ACAD10: variants seen among roughly 807,000 people sequenced by gnomAD.
ACAD10 encodes the protein ACAD-10.
A neutral mutation model predicts 116.8 loss-of-function variants in ACAD10; 112 were observed. The observed-to-expected ratio is 0.96, with a 90% CI of 0.82 to 1.12. ACAD10 has a LOEUF of 1.12. Among genes scored for constraint, ACAD10 ranks in the 50% most tolerant of loss-of-function variants. ACAD10 has a pLI of 0.00. For synonymous variants in ACAD10, 486 were observed against 510.6 expected, an observed-to-expected ratio of 0.95 and a Z score of 0.65; for missense variants, 1,259 against 1,350.2, an observed-to-expected ratio of 0.93 and a Z score of 1.06.
At chr12:111,703,078 T>C (rs1163736740) in intron 3 of ACAD10, among the ~76,000 whole-genome samples, 3 of 145,468 alleles carry the variant, frequency 2.1e-5, no homozygotes, top group Non-Finnish European at 4.5e-5. Flanking sequence ...AACAAGACTC[T>C]GTCTCAAAAA....
intron 7 of ACAD10, among the ~76,000 whole-genome samples, chr12:111,721,449 T>G (rs1387589081): frequency 6.6e-6 from 1 of 152,090 alleles, no homozygotes; most frequent in African/African-American, 2.4e-5. Context: ...ACATCTGTAA[T>G]CCCAGCTACT....
intron 18 of ACAD10, among the ~76,000 whole-genome samples, chr12:111,751,458 C>CG (rs1292851107): frequency 6.6e-6 from 1 of 152,120 alleles, no homozygotes; most frequent in Non-Finnish European, 1.5e-5. Context: ...AGGCTGGGCG[C>CG]GGTGGCTAAC....
chr12:111,744,074 A>T (rs1347360934), intron 12 of ACAD10, among the ~76,000 whole-genome samples: 1 of 152,006 alleles, frequency 6.6e-6, no homozygotes, highest in African/African-American at 2.4e-5. Flanking sequence ...ATGGGGAAAA[A>T]TATGTTTGTA....
At chr12:111,689,597 G>A (rs546187632) in intron 1 of ACAD10, among the ~76,000 whole-genome samples, 3 of 151,814 alleles carry the variant, frequency 2.0e-5, no homozygotes, top group South Asian at 4.2e-4. Context: ...GGTTGGTCTC[G>A]AACTCTCGAC....
intron 7 of ACAD10, among the ~76,000 whole-genome samples, chr12:111,720,685 C>G (rs143267053): frequency 1.3e-5 from 2 of 152,120 alleles, no homozygotes; most frequent in African/African-American, 4.8e-5. Context: ...TTTATATATT[C>G]AGCGCATATC....
chr12:111,688,811 C>A (rs608814), intron 1 of ACAD10, among the ~76,000 whole-genome samples: 51,140 of 148,884 alleles, frequency 0.34, 12,488 homozygotes, highest in East Asian at 0.9. Context: ...CAAAACAAAA[C>A]AAAAAAAAGA....
At chr12:111,692,952 AG>A in intron 2 of ACAD10, 56 bp downstream of exon 2, 1 of 1,581,200 alleles carries the variant, frequency 6.3e-7, no homozygotes, top group Non-Finnish European at 8.6e-7. Context: ...GGGAGAATGG[AG>A]GGTGATCGGG....
intron 7 of ACAD10, among the ~76,000 whole-genome samples, chr12:111,716,607 C>T (rs549902373): frequency 2.0e-5 from 3 of 152,310 alleles, no homozygotes; most frequent in South Asian, 4.1e-4. Context: ...ATAGTCCCAG[C>T]ACTTTGGGAG....
chr12:111,693,017 C>T (rs990756257), intron 2 of ACAD10, 121 bp downstream of exon 2: 3 of 1,159,722 alleles, frequency 2.6e-6, no homozygotes, highest in African/African-American at 3.1e-5. Context: ...CATGCTCTGG[C>T]TCTCGAGTCG....
chr12:111,703,480 G>C (rs1301355027), intron 3 of ACAD10, among the ~76,000 whole-genome samples: 3 of 152,168 alleles, frequency 2.0e-5, no homozygotes, highest in Non-Finnish European at 2.9e-5. Flanking sequence ...AAGTTCTGTA[G>C]GTAGATGGTG....
chr12:111,723,952 C>A (rs1323851537), intron 8 of ACAD10, among the ~76,000 whole-genome samples: 2 of 146,632 alleles, frequency 1.4e-5, no homozygotes, highest in Non-Finnish European at 3.0e-5. Flanking sequence ...CCAGACGGGG[C>A]GGCGGGGCAG....
chr12:111,753,933 AG>A lies in ACAD10; in HGVS notation c.2961+23del. ...GAAACAAGGTAGGGGCAGGGGCACG[AG>A]GGGGCCTCCCAGAGGCAGAGATTCT... On this transcript the variant is annotated intron_variant, in intron 19 of 20. Coordinates refer to ENST00000313698, the MANE Select transcript of ACAD10 (RefSeq NM_025247.6). 1 of 1,587,084 alleles carries A rather than the reference AG, an allele frequency of 6.3e-7. No individual in the cohort carries two copies. The highest frequency in any genetic ancestry group is 1.7e-5 in the Admixed American group (1 of 58,072).
chr12:111,721,439 A>C (rs1485116895), intron 7 of ACAD10, among the ~76,000 whole-genome samples: 1 of 152,122 alleles, frequency 6.6e-6, no homozygotes, highest in Non-Finnish European at 1.5e-5. Flanking sequence ...GTGGTGGTGC[A>C]CATCTGTAAT....
At chr12:111,710,340 A>C (rs1593024934) in intron 5 of ACAD10, 1 of 450,340 alleles carries the variant, frequency 2.2e-6, no homozygotes. Context: ...TACCCACCTT[A>C]CCCTCCCAAA....
chr12:111,733,003 A>C lies in ACAD10; in HGVS notation c.1395-920A>C, dbSNP rs928921098. On this transcript the variant is annotated intron_variant, in intron 10 of 20. Coordinates refer to ENST00000313698, the MANE Select transcript of ACAD10 (RefSeq NM_025247.6). Reference sequence around the variant, plus strand: ...AGCATGCTGGCCCTGGGCAGAGAAGATATTAACAGCCGGGCTCCTTGGGCC... The same window carrying C: ...AGCATGCTGGCCCTGGGCAGAGAAGCTATTAACAGCCGGGCTCCTTGGGCC... 2.0e-5 allele frequency among the ~76,000 whole-genome samples: 3 copies of C among 152,096 alleles called. No homozygotes were observed. The South Asian group carries it at 6.2e-4, about 32-fold the overall frequency.
chr12:111,752,358 C>T (rs1381805228), intron 18 of ACAD10, among the ~76,000 whole-genome samples: 3 of 152,008 alleles, frequency 2.0e-5, no homozygotes, highest in Non-Finnish European at 4.4e-5. Context: ...AATCCCAGCA[C>T]TTTGAGAGGC....
Position 111,756,483 on chromosome 12 carries a change from G to A in ACAD10, c.*10G>A, listed in dbSNP as rs2068086302. ...GAAGCACCGCATTTAGAGCCTTGGG[G>A]CTGCAGTGGCTCAATGTCCTGGCTG... is the stretch of plus-strand genomic sequence containing the variant. On this transcript the variant is annotated 3_prime_UTR_variant, in exon 21 of 21. Transcript: ENST00000313698. 4 of 1,610,992 alleles carry A rather than the reference G, an allele frequency of 2.5e-6. No individual in the cohort carries two copies. The highest frequency in any genetic ancestry group is 4.5e-5 in the East Asian group (2 of 44,868).
intron 12 of ACAD10, among the ~76,000 whole-genome samples, chr12:111,743,743 T>A (rs189452935): frequency 1.3e-5 from 2 of 152,226 alleles, no homozygotes; most frequent in East Asian, 3.9e-4. Flanking sequence ...TCAATTTTTT[T>A]ATTTTTATTT....
intron 14 of ACAD10, among the ~76,000 whole-genome samples, 164 bp downstream of exon 14, chr12:111,746,448 C>T (rs1016220983): frequency 6.6e-6 from 1 of 151,080 alleles, no homozygotes; most frequent in Non-Finnish European, 1.5e-5. Context: ...AGTGTAGTGG[C>T]GAAATCTTGG....
Sources: allele counts gnomAD v4.1 joint callset (sites outside exome capture counted in the v4.1 genomes callset), GRCh38; gene constraint gnomAD v4.1.1; transcripts MANE v1.5; gene names NCBI Gene and HGNC (gene_info 2026-07-23, HGNC 2026-07-21).